Variants in EXOC2 observed in about 807,000 individuals in gnomAD.
EXOC2 encodes exocyst complex component 2.
EXOC2 carries 70 observed loss-of-function variants against 131.8 expected under a neutral mutation model. The observed-to-expected ratio is 0.53, with a 90% confidence interval of 0.44 to 0.65. The LOEUF (loss-of-function observed/expected upper bound fraction) is 0.65, where lower values mean the gene tolerates loss of function less well. Among genes scored for constraint, EXOC2 ranks in the 30% least tolerant of loss-of-function variants. EXOC2 has a pLI of 0.00. For synonymous variants in EXOC2, 411 were observed against 398.4 expected, an observed-to-expected ratio of 1.03 and a Z score of -0.38; for missense variants, 923 against 1,108.6, an observed-to-expected ratio of 0.83 and a Z score of 2.38.
At chr6:580,787 T>C (rs1758848580) in intron 11 of EXOC2, among the ~76,000 whole-genome samples, 1 of 152,188 alleles carries the variant, frequency 6.6e-6, no homozygotes, top group African/African-American at 2.4e-5. Context: ...ATTCTGACTC[T>C]ATGATTCAAA....
At chr6:491,255 G>A (rs1763416673) in intron 25 of EXOC2, 69 bp from the exon 26 acceptor site, 1 of 1,517,662 alleles carries the variant, frequency 6.6e-7, no homozygotes. Flanking sequence ...AAGTACTAAG[G>A]TTAAGGGTCT....
rs1362055989 is a variant in EXOC2, at chr6:598,226, G to A, written c.971-103C>T. ...TGCTTTTGTGGGGTGAGGGCTAAGA[G>A]GCACCAGGGCCGTGTCTAGAGTGAT... On this transcript the variant is annotated intron_variant, in intron 9 of 27. Coordinates refer to ENST00000230449, the MANE Select transcript of EXOC2 (RefSeq NM_018303.6). 7.7e-6 allele frequency: 6 copies of A among 783,466 alleles called. No homozygotes were observed. In the African/African-American group the frequency reaches 1.1e-4, roughly 14 times the overall value. 48.5% of individuals were successfully genotyped at this position (783,466 alleles called of 1,614,324 possible).
chr6:673,241 G>A lies in EXOC2; in HGVS notation c.-44+19778C>T, dbSNP rs373418763. ...ACTCCAGCCTGGGTGACAAAAGTGA[G>A]ACTCCATAGCCAAAAAAAAAAAAAA... On this transcript the variant is annotated intron_variant, in intron 1 of 27. Coordinates refer to ENST00000230449, the MANE Select transcript of EXOC2 (RefSeq NM_018303.6). Among the ~76,000 whole-genome samples the A allele has an allele frequency of 1.2e-4, 11 of 89,830 alleles. No homozygotes were observed. In the East Asian group the frequency reaches 3.3e-3, roughly 27 times the overall value. 58.9% of individuals were successfully genotyped at this position (89,830 alleles called of 152,430 possible). A position where few individuals can be genotyped will look rare whatever the true frequency, so the allele number is the denominator to read the frequency against.
intron 23 of EXOC2, among the ~76,000 whole-genome samples, chr6:530,487 G>C (rs1766012571): frequency 6.6e-6 from 1 of 152,222 alleles, no homozygotes; most frequent in African/African-American, 2.4e-5. Flanking sequence ...AGTGGCAAGA[G>C]CTGCTCTGGG....
At chr6:489,942 G>C (rs535806927) in intron 26 of EXOC2, among the ~76,000 whole-genome samples, 1 of 152,324 alleles carries the variant, frequency 6.6e-6, no homozygotes, top group African/African-American at 2.4e-5. Context: ...AGCTGCTCCC[G>C]GGAGGGCGCG....
In EXOC2 at chr6:543,672, T is replaced by C. The variant is rs908337447; in HGVS notation, c.2238+5503A>G. ...AACATCACATTGTGCACCATAAATA[T>C]GCATAATTATTATTTGTCAATTAAA... On this transcript the variant is annotated intron_variant, in intron 22 of 27. Transcript: ENST00000230449. Among the ~76,000 whole-genome samples, 3 of 152,160 alleles carry C rather than the reference T, an allele frequency of 2.0e-5. No homozygotes were observed. In the South Asian group the frequency reaches 6.2e-4, roughly 32 times the overall value.
At chr6:519,101 C>G (rs376697718) in intron 23 of EXOC2, among the ~76,000 whole-genome samples, 1 of 144,240 alleles carries the variant, frequency 6.9e-6, no homozygotes, top group Admixed American at 6.8e-5. Flanking sequence ...ACTCACCGTC[C>G]ACACTCGGAG....
intron 7 of EXOC2, among the ~76,000 whole-genome samples, chr6:606,104 C>T (rs989263912): frequency 2.3e-4 from 35 of 152,148 alleles, no homozygotes; most frequent in African/African-American, 7.7e-4. Flanking sequence ...AGGAAGAGTT[C>T]GTGTCCTTCG....
intron 7 of EXOC2, among the ~76,000 whole-genome samples, chr6:603,712 G>A (rs1760237792): frequency 6.6e-6 from 1 of 151,900 alleles, no homozygotes; most frequent in Non-Finnish European, 1.5e-5. Flanking sequence ...ATATTCCCTA[G>A]TGTTCCAAAT....
At chr6:652,822 TTACTG>T (rs1010782377) in intron 1 of EXOC2, among the ~76,000 whole-genome samples, 4 of 152,220 alleles carry the variant, frequency 2.6e-5, no homozygotes, top group African/African-American at 9.6e-5. Context: ...GTGCTTCACT[TTACTG>T]TACTACTCAG....
At chr6:601,086 T>A (rs1425438666) in intron 7 of EXOC2, among the ~76,000 whole-genome samples, 1 of 152,176 alleles carries the variant, frequency 6.6e-6, no homozygotes, top group Non-Finnish European at 1.5e-5. Context: ...TCTTTAGGGC[T>A]ACTAATAAGA....
intron 23 of EXOC2, among the ~76,000 whole-genome samples, chr6:500,980 C>T (rs892141415): frequency 6.8e-6 from 1 of 147,850 alleles, no homozygotes; most frequent in African/African-American, 2.5e-5. Context: ...TTTGAGGAGC[C>T]AATTTCATAT....
At chr6:659,416 G>GCCTT (rs1397994171) in intron 1 of EXOC2, among the ~76,000 whole-genome samples, 3 of 152,148 alleles carry the variant, frequency 2.0e-5, no homozygotes, top group African/African-American at 7.2e-5. Context: ...AGAGCAGCAT[G>GCCTT]CGAAGGCTCG....
chr6:523,648 T>C (rs1480324005), intron 23 of EXOC2, among the ~76,000 whole-genome samples: 1 of 152,270 alleles, frequency 6.6e-6, no homozygotes, highest in Non-Finnish European at 1.5e-5. Context: ...GTATGGTTTA[T>C]TTTGGCAGGT....
chr6:495,383 C>G (rs1014059366), intron 25 of EXOC2, among the ~76,000 whole-genome samples: 77 of 152,224 alleles, frequency 5.1e-4, no homozygotes, highest in African/African-American at 1.8e-3. Flanking sequence ...CTCGGCCTCC[C>G]AAAGTGCTGG....
At chr6:546,294 G>A (rs1037857716) in intron 22 of EXOC2, among the ~76,000 whole-genome samples, 1 of 152,154 alleles carries the variant, frequency 6.6e-6, no homozygotes, top group African/African-American at 2.4e-5. Context: ...GACGCTCCCT[G>A]TTGGCACATA....
chr6:532,531 C>A lies in EXOC2; in HGVS notation c.2318G>T (p.Gly773Val), dbSNP rs1766150653. The A allele has an allele frequency of 1.9e-6, 3 of 1,608,330 alleles. No individual in the cohort carries two copies. In the South Asian group the frequency reaches 3.4e-5, roughly 18 times the overall value. The change falls in exon 23 of 28, where the codon GGC (glycine) becomes GTC (valine). Residue 773 changes from glycine (G) to valine (V), a missense_variant. By Grantham distance (109) the Gly-to-Val change is moderately radical. Coordinates refer to ENST00000230449, the MANE Select transcript of EXOC2 (RefSeq NM_018303.6). The stretch of plus-strand genomic sequence containing the variant: ...TGCATAAATTCCAGGTTCTAAGGAG[C>A]CAACGATGGGATCTGCTTTCAACTC... ...YIELKADPIV[G>V]SLEPGIYAGY...
intron 4 of EXOC2, among the ~76,000 whole-genome samples, chr6:626,632 C>T (rs1581584058): frequency 6.6e-6 from 1 of 152,228 alleles, no homozygotes; most frequent in Non-Finnish European, 1.5e-5. Flanking sequence ...CACTCTGTCA[C>T]CCAGGTTGAA....
At chr6:570,278 C>T (rs538277840) in intron 13 of EXOC2, among the ~76,000 whole-genome samples, 102 of 151,982 alleles carry the variant, frequency 6.7e-4, no homozygotes, top group Non-Finnish European at 1.3e-3. Context: ...CAACTACAGG[C>T]GCCCGCCACC....
Sources: allele counts gnomAD v4.1 joint callset (sites outside exome capture counted in the v4.1 genomes callset), GRCh38; gene constraint gnomAD v4.1.1; transcripts MANE v1.5; gene names NCBI Gene and HGNC (gene_info 2026-07-23, HGNC 2026-07-21).